The following ALDH1L1 variants were observed in gnomAD, a reference collection of about 807,000 sequenced individuals.
ALDH1L1 encodes the protein cytosolic 10-formyltetrahydrofolate dehydrogenase.
ALDH1L1 carries 68 observed loss-of-function variants against 101.1 expected under a neutral mutation model. The ratio of observed to expected loss-of-function variants is 0.67; its 90% confidence interval spans 0.55 to 0.82. The LOEUF is 0.82. Ranked by LOEUF, ALDH1L1 falls within the 40% of genes least tolerant of loss-of-function variation. The pLI is 0.00. For synonymous variants in ALDH1L1, 486 were observed against 470.8 expected, an observed-to-expected ratio of 1.03 and a Z score of -0.42; for missense variants, 1,087 against 1,172.7, an observed-to-expected ratio of 0.93 and a Z score of 1.07.
At chr3:126,137,640 T>G (rs753137451) in intron 10 of ALDH1L1, among the ~76,000 whole-genome samples, 173 bp downstream of exon 10, 2 of 152,194 alleles carry the variant, frequency 1.3e-5, no homozygotes, top group Non-Finnish European at 2.9e-5. Context: ...GGCCCCACTG[T>G]ACTGACATCC....
chr3:126,104,043 C>G, intron 22 of ALDH1L1, 197 bp from the exon 23 acceptor site: 3 of 614,944 alleles, frequency 4.9e-6, no homozygotes, highest in Non-Finnish European at 8.6e-6. Context: ...CAGGACTCCC[C>G]AGAATACAAA....
intron 14 of ALDH1L1, among the ~76,000 whole-genome samples, chr3:126,126,897 A>G (rs1056616098): frequency 3.3e-5 from 5 of 152,190 alleles, no homozygotes; most frequent in Non-Finnish European, 7.3e-5. Context: ...CATACAAAGA[A>G]CACCACATGG....
intron 1 of ALDH1L1, among the ~76,000 whole-genome samples, chr3:126,191,267 G>A (rs1316208114): frequency 1.3e-5 from 2 of 152,176 alleles, no homozygotes; most frequent in African/African-American, 4.8e-5. Flanking sequence ...AACATGTGGG[G>A]CTTGCGTAAA....
chr3:126,166,766 G>GA (rs1336553959), intron 1 of ALDH1L1, among the ~76,000 whole-genome samples: 73 of 150,522 alleles, frequency 4.8e-4, no homozygotes, highest in African/African-American at 1.6e-3. Context: ...CCTTCACAGT[G>GA]AAAAAAAAAT....
chr3:126,158,818 G>A (rs975011597), intron 2 of ALDH1L1, among the ~76,000 whole-genome samples, 179 bp from the exon 3 acceptor site: 2 of 152,148 alleles, frequency 1.3e-5, no homozygotes, highest in Non-Finnish European at 2.9e-5. Context: ...TGAGGCTCTG[G>A]GGACTGCCCT....
At chr3:126,109,801 A>C in intron 20 of ALDH1L1, 143 bp downstream of exon 20, 1 of 1,214,626 alleles carries the variant, frequency 8.2e-7, no homozygotes, top group Non-Finnish European at 1.1e-6. Context: ...AGCCCAGTCC[A>C]TCCCAGGTCC....
At chr3:126,135,228 G>A (rs1445065144) in intron 12 of ALDH1L1, 1 of 268,936 alleles carries the variant, frequency 3.7e-6, no homozygotes, top group Non-Finnish European at 7.0e-6. Context: ...GTCTGCCTGG[G>A]AGGCCCAGCC....
chr3:126,155,576 G>C, intron 4 of ALDH1L1, 73 bp from the exon 5 acceptor site: 2 of 1,378,644 alleles, frequency 1.5e-6, no homozygotes, highest in Non-Finnish European at 2.0e-6. Flanking sequence ...GGCCCACATT[G>C]AGCCTGGACC....
chr3:126,184,533 A>G (rs2081501015), upstream of ALDH1L1, among the ~76,000 whole-genome samples: 1 of 152,224 alleles, frequency 6.6e-6, no homozygotes, highest in Non-Finnish European at 1.5e-5. Flanking sequence ...GTGGCTGGAT[A>G]AGCCCTGCAG....
intron 10 of ALDH1L1, among the ~76,000 whole-genome samples, chr3:126,137,140 A>ACT (rs4646722): frequency 0.22 from 34,020 of 151,996 alleles, 4,642 homozygotes; most frequent in African/African-American, 0.39. Context: ...GGCTAAGAGG[A>ACT]CTCAGACAGA....
chr3:126,108,229 T>C (rs1576407072), intron 20 of ALDH1L1, among the ~76,000 whole-genome samples: 1 of 152,240 alleles, frequency 6.6e-6, no homozygotes, highest in Non-Finnish European at 1.5e-5. Flanking sequence ...CCCATCTACC[T>C]TGTACTCTCC....
intron 8 of ALDH1L1, among the ~76,000 whole-genome samples, chr3:126,148,675 G>T (rs1306985122): frequency 1.3e-5 from 2 of 151,432 alleles, no homozygotes; most frequent in African/African-American, 4.9e-5. Context: ...TGGCTCCACA[G>T]CTGAGACCTG....
chr3:126,191,249 T>C (rs1434434167), intron 1 of ALDH1L1, among the ~76,000 whole-genome samples: 4 of 152,214 alleles, frequency 2.6e-5, no homozygotes, highest in Non-Finnish European at 5.9e-5. Flanking sequence ...ATTTAATAAA[T>C]TTTCCACAAC....
chr3:126,124,256 C>T, intron 16 of ALDH1L1, 108 bp downstream of exon 16: 1 of 999,874 alleles, frequency 1.0e-6, no homozygotes, highest in Non-Finnish European at 1.4e-6. Flanking sequence ...CGCCTGGGCT[C>T]TCCCCAGGCT....
In ALDH1L1 at chr3:126,135,639, G is replaced by T. The variant is rs1224650688; in HGVS notation, c.1368C>A (p.Ala456=). ...DGSVICQVSL[A]QVTDVDKAVA... ...CTGCCTTGTCGACGTCGGTGACTTG[G>T]GCCAGGGATACCTGGCAGATGACCT... The change falls in exon 12 of 23, where the codon GCC becomes GCA. Residue 456 remains alanine (A), a synonymous_variant. Transcript: ENST00000393434. 1 of 1,573,240 alleles carries T rather than the reference G, an allele frequency of 6.4e-7. No individual in the cohort carries two copies. Among genetic ancestry groups the T allele is most frequent in the East Asian group, 2.4e-5 (1 of 41,602 alleles).
At chr3:126,160,048 CA>C (rs1265486986) in intron 2 of ALDH1L1, among the ~76,000 whole-genome samples, 1 of 152,160 alleles carries the variant, frequency 6.6e-6, no homozygotes, top group African/African-American at 2.4e-5. Flanking sequence ...TCTGTTCATC[CA>C]AGCTGAGGCC....
At chr3:126,150,092 A>C (rs1431541328) in intron 8 of ALDH1L1, among the ~76,000 whole-genome samples, 2 of 152,174 alleles carry the variant, frequency 1.3e-5, no homozygotes, top group Non-Finnish European at 2.9e-5. Flanking sequence ...CATTCTAATC[A>C]CAGGGACATG....
intron 16 of ALDH1L1, among the ~76,000 whole-genome samples, chr3:126,118,969 C>T (rs375637518): frequency 1.3e-5 from 2 of 152,262 alleles, no homozygotes; most frequent in African/African-American, 4.8e-5. Flanking sequence ...AGAGTGGGCT[C>T]CCTGACGCTG....
chr3:126,107,337 A>C, intron 20 of ALDH1L1, 91 bp from the exon 21 acceptor site: 2 of 1,032,740 alleles, frequency 1.9e-6, no homozygotes, highest in East Asian at 2.4e-5. Flanking sequence ...CACACCAGCC[A>C]CCTGCGGATG....
Sources: allele counts gnomAD v4.1 joint callset (sites outside exome capture counted in the v4.1 genomes callset), GRCh38; gene constraint gnomAD v4.1.1; transcripts MANE v1.5; gene names NCBI Gene and HGNC (gene_info 2026-07-23, HGNC 2026-07-21).